Variants in TRA2A observed in about 807,000 individuals in gnomAD.
The protein encoded by TRA2A is transformer 2 alpha homolog.
Under a neutral mutation model 45.7 loss-of-function variants are expected in TRA2A, and 31 were observed. The ratio of observed to expected loss-of-function variants is 0.68; its 90% CI spans 0.51 to 0.92. The LOEUF is 0.92. TRA2A is among the 40% of genes least tolerant of loss of function. TRA2A has a pLI of 0.00. For synonymous variants in TRA2A, 132 were observed against 126.2 expected (o/e 1.05, Z -0.31); for missense variants, 304 against 367.5 (o/e 0.83, Z 1.41).
At chr7:23,522,414 T>C in intron 1 of TRA2A, 1 of 1,271,882 alleles carries the variant, frequency 7.9e-7, no homozygotes, top group Non-Finnish European at 1.0e-6. Flanking sequence ...AACTCTTCAA[T>C]TTCTTCACGA....
intron 6 of TRA2A, 41 bp from the exon 7 acceptor site, chr7:23,505,854 C>T: frequency 1.6e-6 from 2 of 1,220,122 alleles, no homozygotes; most frequent in Non-Finnish European, 2.3e-6. Flanking sequence ...TATATAATCA[C>T]TCCACTGAGG....
At chr7:23,522,318 T>TC in intron 1 of TRA2A, 1 of 1,199,818 alleles carries the variant, frequency 8.3e-7, no homozygotes, top group Non-Finnish European at 1.1e-6. Context: ...TTCAATTTTT[T>TC]CCCCCATTCA....
intron 1 of TRA2A, among the ~76,000 whole-genome samples, chr7:23,526,422 G>A (rs757119297): frequency 4.6e-5 from 7 of 152,202 alleles, no homozygotes; most frequent in African/African-American, 1.7e-4. Flanking sequence ...TGACACTGGC[G>A]CTCTATTTCC....
At chr7:23,520,072 C>CA (rs1461624498) in intron 2 of TRA2A, among the ~76,000 whole-genome samples, 1 of 152,026 alleles carries the variant, frequency 6.6e-6, no homozygotes, top group East Asian at 1.9e-4. Context: ...ACTAAAAATA[C>CA]AAAAAATTAG....
intron 2 of TRA2A, among the ~76,000 whole-genome samples, chr7:23,517,456 C>T (rs755610175): frequency 4.6e-5 from 4 of 87,584 alleles, no homozygotes; most frequent in Non-Finnish European, 6.2e-5. Context: ...CCAGCCTGGG[C>T]GACAGAGCAA....
chr7:23,516,243 A>T, intron 3 of TRA2A, 120 bp downstream of exon 3: 2 of 904,596 alleles, frequency 2.2e-6, no homozygotes, highest in Non-Finnish European at 3.4e-6. Context: ...GCAGCTTATT[A>T]AGGATGTTTC....
intron 4 of TRA2A, 27 bp from the exon 5 acceptor site, chr7:23,507,562 C>T (rs750254108): frequency 2.3e-5 from 35 of 1,498,704 alleles, no homozygotes; most frequent in Middle Eastern, 3.4e-4. Flanking sequence ...CAAAAAGTCA[C>T]GTATAATTCA....
At chr7:23,522,800 T>C (rs1175078759) in intron 1 of TRA2A, among the ~76,000 whole-genome samples, 2 of 152,136 alleles carry the variant, frequency 1.3e-5, no homozygotes, top group African/African-American at 4.8e-5. Context: ...TGAAGATTCT[T>C]AAAAATAAGC....
Position 23,506,045 on chromosome 7 carries a change from A to T in TRA2A, c.770+93T>A, listed in dbSNP as rs375172708. ...GCGTCATATATGATCTATTTTAAAA[A>T]TCAAGTTTTTATTCATATGTATCCA... On this transcript the variant is annotated intron_variant, in intron 6 of 7. Transcript: ENST00000297071. 2.2e-5 allele frequency: 25 copies of T among 1,154,538 alleles called. No individual in the cohort carries two copies. In the East Asian group the frequency reaches 2.4e-4, roughly 11 times the overall value. 71.5% of individuals were successfully genotyped at this position (1,154,538 alleles called of 1,614,324 possible).
intron 1 of TRA2A, among the ~76,000 whole-genome samples, chr7:23,527,949 AGAG>A (rs1273369698): frequency 6.6e-5 from 10 of 152,112 alleles, no homozygotes; most frequent in Non-Finnish European, 1.2e-4. Context: ...ATGGAAGGGG[AGAG>A]GAGAACAACT....
chr7:23,516,790 A>G (rs1454410601), intron 2 of TRA2A, among the ~76,000 whole-genome samples: 1 of 152,064 alleles, frequency 6.6e-6, no homozygotes, highest in African/African-American at 2.4e-5. Flanking sequence ...AAAAAAAACA[A>G]AAAACAAAAA....
intron 4 of TRA2A, among the ~76,000 whole-genome samples, chr7:23,512,173 C>A (rs555675041): frequency 6.6e-6 from 1 of 152,308 alleles, no homozygotes; most frequent in East Asian, 1.9e-4. Context: ...ATTGTTAACA[C>A]TGAGAGGCAG....
Position 23,507,456 on chromosome 7 carries a change from G to A in TRA2A, c.605C>T (p.Thr202Ile), listed in dbSNP as rs1789395590. ...GCCCATGTAGATGCCTGGTGTTGGTGTGTGCGCTCTCTTGGTTATAGAATA... is the reference window on the plus strand; with the variant it reads ...GCCCATGTAGATGCCTGGTGTTGGTATGTGCGCTCTCTTGGTTATAGAATA... ...VDYSITKRAH[T>I]PTPGIYMGRP... is the part of the protein sequence containing the mutation. Residue 202 changes from threonine to isoleucine, a missense_variant, in exon 5 of 8, where the codon ACA becomes ATA. By Grantham distance (89) the Thr-to-Ile change is moderately conservative. Transcript: ENST00000297071. The A allele has an allele frequency of 6.2e-7, 1 of 1,614,060 alleles. No homozygotes were observed.
intron 4 of TRA2A, among the ~76,000 whole-genome samples, chr7:23,512,030 A>G (rs1003334914): frequency 1.3e-5 from 2 of 152,220 alleles, no homozygotes; most frequent in African/African-American, 4.8e-5. Context: ...GGCTTATTCA[A>G]AAGAGAACAC....
chr7:23,510,610 C>T (rs1287965717), intron 4 of TRA2A, among the ~76,000 whole-genome samples: 2 of 152,010 alleles, frequency 1.3e-5, no homozygotes, highest in East Asian at 1.9e-4. Flanking sequence ...TTACAAGGTG[C>T]GAGCCACTGT....
chr7:23,514,902 A>G (rs1023253813), intron 3 of TRA2A, among the ~76,000 whole-genome samples: 2 of 152,252 alleles, frequency 1.3e-5, no homozygotes, highest in African/African-American at 2.4e-5. Context: ...AGCATAGTAC[A>G]GCATGCAAAC....
At chr7:23,514,600 C>CT (rs969741400) in intron 3 of TRA2A, among the ~76,000 whole-genome samples, 297 of 149,658 alleles carry the variant, frequency 2.0e-3, no homozygotes, top group African/African-American at 4.8e-3. Context: ...CATTTTCTTT[C>CT]TTTTTTTTTT....
chr7:23,519,181 CAGG>C (rs1790022895), intron 2 of TRA2A, among the ~76,000 whole-genome samples: 1 of 152,086 alleles, frequency 6.6e-6, no homozygotes, highest in Non-Finnish European at 1.5e-5. Flanking sequence ...ATCACAAGGT[CAGG>C]AGATCGAGAC....
chr7:23,531,862 G>A lies in TRA2A; in HGVS notation c.-38C>T, dbSNP rs371051502. 5.6e-6 allele frequency: 9 copies of A among 1,612,002 alleles called. No homozygotes were observed. Among genetic ancestry groups the A allele is most frequent in the African/African-American group, 2.7e-5 (2 of 74,940 alleles). ...CTCCCCAGAACTAAATAAGAGACAA[G>A]TCTCGGCTCGAGGGCCGATGGCCTA... On this transcript the variant is annotated 5_prime_UTR_variant, in exon 1 of 8. Transcript: ENST00000297071.
Sources: allele counts gnomAD v4.1 joint callset (sites outside exome capture counted in the v4.1 genomes callset), GRCh38; gene constraint gnomAD v4.1.1; transcripts MANE v1.5; gene names NCBI Gene and HGNC (gene_info 2026-07-23, HGNC 2026-07-21).